The following CRTC1 variants were observed in gnomAD, a reference collection of about 807,000 sequenced individuals.
CRTC1 encodes CREB regulated transcription coactivator 1, also known as CREB-regulated transcription coactivator 1.
Under a neutral mutation model 66.1 loss-of-function variants are expected in CRTC1, and 18 were observed. That is an observed-to-expected ratio of 0.27 (90% CI 0.19 to 0.40). CRTC1 has a LOEUF of 0.40. Ranked by LOEUF, CRTC1 falls within the 10% of genes least tolerant of loss-of-function variation. The pLI is 1.00. For missense variants in CRTC1, 669 were observed against 887.9 expected, an observed-to-expected ratio of 0.75 and a Z score of 3.13; for synonymous variants, 416 against 398.8, an observed-to-expected ratio of 1.04 and a Z score of -0.51.
chr19:18,731,178 A>G (rs769925237), intron 1 of CRTC1, among the ~76,000 whole-genome samples: 1 of 152,208 alleles, frequency 6.6e-6, no homozygotes, highest in African/African-American at 2.4e-5. Flanking sequence ...GCAAAGCACC[A>G]TGAATCAGGT....
At chr19:18,742,591 C>T (rs1047873530) in intron 1 of CRTC1, among the ~76,000 whole-genome samples, 6 of 152,226 alleles carry the variant, frequency 3.9e-5, no homozygotes, top group African/African-American at 7.2e-5. Context: ...GCTGCAGGCC[C>T]GCCAGTGCCT....
intron 6 of CRTC1, among the ~76,000 whole-genome samples, chr19:18,754,959 A>T (rs1258576276): frequency 6.6e-6 from 1 of 150,880 alleles, no homozygotes; most frequent in Non-Finnish European, 1.5e-5. Context: ...TTTATTTTTA[A>T]ATTTTATTAT....
At chr19:18,711,600 C>T (rs994636753) in intron 1 of CRTC1, among the ~76,000 whole-genome samples, 3 of 152,212 alleles carry the variant, frequency 2.0e-5, no homozygotes, top group Non-Finnish European at 4.4e-5. Flanking sequence ...CCTGCTCCTG[C>T]CTGCCAGGTT....
intron 1 of CRTC1, among the ~76,000 whole-genome samples, chr19:18,690,024 T>C (rs2052792590): frequency 7.1e-6 from 1 of 140,522 alleles, no homozygotes; most frequent in Non-Finnish European, 1.5e-5. Context: ...ACAGAGCGGG[T>C]GGATTTGGTG....
Position 18,771,381 on chromosome 19 carries a change from G to A in CRTC1, c.1321-61G>A. ...CTGATCAGGCTGCTCCCGGGAAGCA[G>A]GGACTGGAGCCCGGGCTTGGGCAGC... On this transcript the variant is annotated intron_variant, in intron 10 of 13. Transcript: ENST00000321949. The surrounding 1 kb of genome is among the most constrained non-coding windows in gnomAD (Gnocchi z 4.6). 4 of 1,443,844 alleles carry A rather than the reference G, an allele frequency of 2.8e-6. No individual in the cohort carries two copies. The highest frequency in any genetic ancestry group is 2.8e-6 in the Non-Finnish European group (3 of 1,057,564). 89.4% of individuals were successfully genotyped at this position (1,443,844 alleles called of 1,614,324 possible). A position where few individuals can be genotyped will look rare whatever the true frequency, so the allele number is the denominator to read the frequency against.
At chr19:18,747,141 C>T in intron 4 of CRTC1, 27 bp downstream of exon 4, 1 of 901,656 alleles carries the variant, frequency 1.1e-6, no homozygotes, top group Non-Finnish European at 1.7e-6. Context: ...CCCCCCCCCG[C>T]CCCCTTCTTG....
intron 4 of CRTC1, 24 bp downstream of exon 4, chr19:18,747,138 C>CCCCCCCCCCCCCCCT: frequency 1.1e-6 from 1 of 918,110 alleles, no homozygotes; most frequent in Non-Finnish European, 1.6e-6. Context: ...CACCCCCCCC[C>CCCCCCCCCCCCCCCT]CGCCCCCTTC....
intron 1 of CRTC1, among the ~76,000 whole-genome samples, chr19:18,694,315 A>G (rs890605466): frequency 1.4e-4 from 18 of 124,498 alleles, no homozygotes; most frequent in South Asian, 1.1e-3. Context: ...AAAAAAAAAA[A>G]AAGAAGAAGA....
At chr19:18,762,787 C>T (rs1206899727) in intron 8 of CRTC1, among the ~76,000 whole-genome samples, 2 of 152,278 alleles carry the variant, frequency 1.3e-5, no homozygotes, top group Admixed American at 6.5e-5. Context: ...CCCTCCTGGG[C>T]CAACTGGCCT....
chr19:18,773,661 T>C (rs1284524931), intron 11 of CRTC1, among the ~76,000 whole-genome samples: 1 of 152,208 alleles, frequency 6.6e-6, no homozygotes, highest in Non-Finnish European at 1.5e-5. Flanking sequence ...TTCCAAAACC[T>C]GAAGCCGTTG....
At chr19:18,722,967 G>T (rs997171223) in intron 1 of CRTC1, among the ~76,000 whole-genome samples, 1 of 151,968 alleles carries the variant, frequency 6.6e-6, no homozygotes, top group African/African-American at 2.4e-5. Context: ...TTGAGACAGG[G>T]TCTTGCTCTC....
chr19:18,689,563 CCATATA>C (rs894651068), intron 1 of CRTC1, among the ~76,000 whole-genome samples: 2 of 34,410 alleles, frequency 5.8e-5, no homozygotes, highest in African/African-American at 9.6e-4. Context: ...AAATTGATGG[CCATATA>C]TATATATATA....
intron 1 of CRTC1, among the ~76,000 whole-genome samples, chr19:18,715,359 C>A (rs1168067919): frequency 2.0e-5 from 3 of 152,238 alleles, no homozygotes; most frequent in Non-Finnish European, 4.4e-5. Context: ...TCCCAAGTAG[C>A]TGGGATTACA....
chr19:18,725,858 G>C, intron 1 of CRTC1, among the ~76,000 whole-genome samples: 1 of 152,270 alleles, frequency 6.6e-6, no homozygotes, highest in South Asian at 2.1e-4. Context: ...CTCTCTCCCC[G>C]TGTGTCGCGC....
chr19:18,762,463 G>T (rs2054636039), intron 8 of CRTC1, among the ~76,000 whole-genome samples: 1 of 152,154 alleles, frequency 6.6e-6, no homozygotes, highest in African/African-American at 2.4e-5. Context: ...CTCCTCGCAA[G>T]CCCACCCGCC....
chr19:18,731,937 C>T (rs909906015), intron 1 of CRTC1, among the ~76,000 whole-genome samples: 1 of 152,192 alleles, frequency 6.6e-6, no homozygotes, highest in Non-Finnish European at 1.5e-5. Context: ...CCGGGGGCTC[C>T]TGCAGGGAGA....
chr19:18,697,391 C>T (rs144323184), intron 1 of CRTC1, among the ~76,000 whole-genome samples: 3 of 152,120 alleles, frequency 2.0e-5, no homozygotes, highest in Non-Finnish European at 4.4e-5. Context: ...AGCTCAGCAA[C>T]CTCTGCCTCT....
At chr19:18,755,763 C>T (rs375418135) in intron 6 of CRTC1, among the ~76,000 whole-genome samples, 5 of 151,736 alleles carry the variant, frequency 3.3e-5, no homozygotes, top group South Asian at 2.1e-4. Flanking sequence ...CTACCGTGCC[C>T]GGCCAATTTT....
chr19:18,684,798 C>A (rs1357881018), intron 1 of CRTC1, among the ~76,000 whole-genome samples: 1 of 152,172 alleles, frequency 6.6e-6, no homozygotes, highest in Non-Finnish European at 1.5e-5. Flanking sequence ...GCAAATCTCA[C>A]CTGGGAAGTT....
Sources: allele counts gnomAD v4.1 joint callset (sites outside exome capture counted in the v4.1 genomes callset), GRCh38; gene constraint gnomAD v4.1.1; non-coding constraint Gnocchi (gnomAD v3.1); transcripts MANE v1.5; gene names NCBI Gene and HGNC (gene_info 2026-07-23, HGNC 2026-07-21).